The following EPHB1 variants were observed in gnomAD, a reference collection of about 807,000 sequenced individuals.
The protein encoded by EPHB1 is ephrin type-B receptor 1.
Under a neutral mutation model 94.4 loss-of-function variants are expected in EPHB1, and 30 were observed. That is an observed-to-expected ratio of 0.32 (90% confidence interval 0.24 to 0.43). EPHB1 has a LOEUF of 0.43. EPHB1 is among the 20% of genes least tolerant of loss of function. EPHB1 has a pLI of 1.00. For synonymous variants in EPHB1, 522 were observed against 489.1 expected, an observed-to-expected ratio of 1.07 and a Z score of -0.89; for missense variants, 1,055 against 1,308.3, an observed-to-expected ratio of 0.81 and a Z score of 2.99.
At chr3:134,901,352 T>G (rs62270284) in intron 1 of EPHB1, among the ~76,000 whole-genome samples, 23,412 of 152,268 alleles carry the variant, frequency 0.15, 2,381 homozygotes, top group African/African-American at 0.28. Context: ...TTCGCCCTTC[T>G]TATTTTTTCT....
chr3:135,114,267 G>A (rs976633330), intron 4 of EPHB1, among the ~76,000 whole-genome samples: 5 of 152,096 alleles, frequency 3.3e-5, no homozygotes, highest in Non-Finnish European at 7.4e-5. Context: ...TCTGGAGCCT[G>A]TGCCCAGGTT....
intron 3 of EPHB1, among the ~76,000 whole-genome samples, chr3:135,070,474 A>C (rs1222386935): frequency 2.0e-5 from 3 of 152,126 alleles, no homozygotes; most frequent in Non-Finnish European, 4.4e-5. Context: ...TGGAGTACTG[A>C]CCACTATAAA....
At chr3:135,229,056 A>AT (rs1182213019) in intron 12 of EPHB1, among the ~76,000 whole-genome samples, 3 of 152,162 alleles carry the variant, frequency 2.0e-5, no homozygotes, top group Non-Finnish European at 4.4e-5. Context: ...CATCCCCAGT[A>AT]TAGAAGATAC....
At chr3:134,854,218 G>A (rs550015964) in intron 1 of EPHB1, among the ~76,000 whole-genome samples, 1 of 152,246 alleles carries the variant, frequency 6.6e-6, no homozygotes, top group South Asian at 2.1e-4. Flanking sequence ...GAATATGTGT[G>A]GACTGAACAA....
At chr3:134,991,745 T>G (rs1167051396) in intron 3 of EPHB1, among the ~76,000 whole-genome samples, 1 of 152,118 alleles carries the variant, frequency 6.6e-6, no homozygotes, top group African/African-American at 2.4e-5. Context: ...CCAATATTGA[T>G]CCCTCTGCCT....
chr3:135,209,311 T>TC lies in EPHB1; in HGVS notation c.2346+7628dup, dbSNP rs1559875783. ...GGATTTTACATATCTTCAAAGTTTC[T>TC]CCCCCCAAAATATTTATTTATTACA... On this transcript the variant is annotated intron_variant, in intron 12 of 15. Coordinates refer to ENST00000398015, the MANE Select transcript of EPHB1 (RefSeq NM_004441.5). Among the ~76,000 whole-genome samples, 9 of 152,156 alleles carry TC rather than the reference T, an allele frequency of 5.9e-5. No homozygotes were observed. In the South Asian group the frequency reaches 1.9e-3, roughly 32 times the overall value.
chr3:134,922,307 A>G (rs2038704605), intron 1 of EPHB1, among the ~76,000 whole-genome samples: 1 of 152,170 alleles, frequency 6.6e-6, no homozygotes, highest in African/African-American at 2.4e-5. Flanking sequence ...CCCCCACTAG[A>G]GTGTAATGCC....
chr3:134,947,558 G>A (rs542898075), intron 2 of EPHB1, among the ~76,000 whole-genome samples: 1 of 152,198 alleles, frequency 6.6e-6, no homozygotes, highest in Non-Finnish European at 1.5e-5. Flanking sequence ...CCTCTCATTT[G>A]CTTTGATCAC....
Position 135,201,571 on chromosome 3 carries a change from G to A in EPHB1, c.2228G>A (p.Arg743Gln), listed in dbSNP as rs1338928289. Residue 743 changes from arginine to glutamine, a missense_variant, in exon 12 of 16, where the codon CGG (arginine) becomes CAG (glutamine). Arg to Gln is a conservative substitution (Grantham distance 43). Coordinates refer to ENST00000398015, the MANE Select transcript of EPHB1 (RefSeq NM_004441.5). ...CTGGCTGAGATGAATTATGTGCATCGGGACCTGGCTGCTAGGAACATTCTG... is the reference window on the plus strand; with the variant it reads ...CTGGCTGAGATGAATTATGTGCATCAGGACCTGGCTGCTAGGAACATTCTG... ...KYLAEMNYVH[R>Q]DLAARNILVN... 3.7e-6 allele frequency: 6 copies of A among 1,613,848 alleles called. No homozygotes were observed. Among genetic ancestry groups the A allele is most frequent in the African/African-American group, 2.7e-5 (2 of 74,856 alleles).
intron 3 of EPHB1, among the ~76,000 whole-genome samples, chr3:134,990,724 T>C (rs1934766251): frequency 6.6e-6 from 1 of 152,212 alleles, no homozygotes; most frequent in African/African-American, 2.4e-5. Context: ...AGATTACTTG[T>C]GGTACCTACT....
At chr3:135,121,818 TA>T (rs1939973205) in intron 4 of EPHB1, among the ~76,000 whole-genome samples, 1 of 151,826 alleles carries the variant, frequency 6.6e-6, no homozygotes, top group South Asian at 2.1e-4. Flanking sequence ...TTTTTTTTTT[TA>T]ATTGTACAGG....
At chr3:134,806,776 CA>C (rs1334781912) in intron 1 of EPHB1, among the ~76,000 whole-genome samples, 9 of 152,056 alleles carry the variant, frequency 5.9e-5, no homozygotes, top group Admixed American at 5.9e-4. Flanking sequence ...GGCACAAAAC[CA>C]GAAATATTAC....
chr3:135,216,173 C>T (rs1943144961), intron 12 of EPHB1, among the ~76,000 whole-genome samples: 1 of 152,066 alleles, frequency 6.6e-6, no homozygotes, highest in South Asian at 2.1e-4. Context: ...TGTCTGAGAC[C>T]GAGGAGACAG....
intron 3 of EPHB1, among the ~76,000 whole-genome samples, chr3:135,080,742 T>C (rs1479999457): frequency 6.6e-6 from 1 of 152,154 alleles, no homozygotes; most frequent in Non-Finnish European, 1.5e-5. Context: ...ACTTAACCTC[T>C]CTGTAGCTTG....
chr3:134,797,274 C>T (rs1404647897), intron 1 of EPHB1, among the ~76,000 whole-genome samples: 1 of 152,168 alleles, frequency 6.6e-6, no homozygotes, highest in Non-Finnish European at 1.5e-5. Flanking sequence ...GCCGTCAACA[C>T]CCTGGCGCAG....
At chr3:135,195,229 C>T (rs1402275416) in intron 11 of EPHB1, among the ~76,000 whole-genome samples, 2 of 152,028 alleles carry the variant, frequency 1.3e-5, no homozygotes, top group East Asian at 1.9e-4. Context: ...TGTGATCACA[C>T]TCCCCCGCTG....
At chr3:134,913,854 G>A (rs954921772) in intron 1 of EPHB1, among the ~76,000 whole-genome samples, 1 of 152,224 alleles carries the variant, frequency 6.6e-6, no homozygotes, top group Non-Finnish European at 1.5e-5. Flanking sequence ...ACGTCTCAGT[G>A]TATATTGGTG....
intron 11 of EPHB1, among the ~76,000 whole-genome samples, chr3:135,199,566 G>T (rs1177455705): frequency 6.6e-6 from 1 of 152,210 alleles, no homozygotes; most frequent in Non-Finnish European, 1.5e-5. Context: ...TTTGGAGGTG[G>T]TTAAAGTTAG....
intron 11 of EPHB1, among the ~76,000 whole-genome samples, chr3:135,193,658 G>A (rs1486031157): frequency 6.6e-6 from 1 of 152,212 alleles, no homozygotes; most frequent in South Asian, 2.1e-4. Context: ...GTGATACCCA[G>A]TAGCTGGCTA....
Sources: allele counts gnomAD v4.1 joint callset (sites outside exome capture counted in the v4.1 genomes callset), GRCh38; gene constraint gnomAD v4.1.1; transcripts MANE v1.5; gene names NCBI Gene and HGNC (gene_info 2026-07-23, HGNC 2026-07-21).